The following SLTM variants were observed in gnomAD, a reference collection of about 807,000 sequenced individuals.
SLTM encodes the protein SAFB-like transcription modulator.
In SLTM, 43 loss-of-function variants were observed where a neutral mutation model predicts 134.6. The ratio of observed to expected loss-of-function variants is 0.32; its 90% confidence interval spans 0.25 to 0.41. The LOEUF (loss-of-function observed/expected upper bound fraction) is 0.41, where lower values mean the gene tolerates loss of function less well. SLTM is among the 10% of genes least tolerant of loss of function. The pLI is 1.00. For missense variants in SLTM, 1,055 were observed against 1,288.8 expected (o/e 0.82, Z 2.78); for synonymous variants, 424 against 432.3 (o/e 0.98, Z 0.24).
In SLTM at chr15:58,879,772, C is replaced by T. The variant is rs551309865; in HGVS notation, c.*227G>A. On this transcript the variant is annotated 3_prime_UTR_variant, in exon 21 of 21. Transcript: ENST00000380516. ...CAATTCCATCTTTTCAAATGTGCCTCGGTGCTGCAAGAAAAAAAGTTGAAT... is the reference window on the plus strand; with the variant it reads ...CAATTCCATCTTTTCAAATGTGCCTTGGTGCTGCAAGAAAAAAAGTTGAAT... 4.5e-6 allele frequency: 2 copies of T among 443,354 alleles called. No individual in the cohort carries two copies. The highest frequency in any genetic ancestry group is 2.0e-5 in the African/African-American group (1 of 49,764). 27.5% of individuals were successfully genotyped at this position (443,354 alleles called of 1,614,324 possible). A position where few individuals can be genotyped will look rare whatever the true frequency, so the allele number is the denominator to read the frequency against.
chr15:58,914,259 A>G (rs1174927473), intron 3 of SLTM, among the ~76,000 whole-genome samples: 2 of 152,222 alleles, frequency 1.3e-5, no homozygotes, highest in African/African-American at 4.8e-5. Flanking sequence ...GTTTATGAAT[A>G]TATGGTACTT....
intron 5 of SLTM, among the ~76,000 whole-genome samples, chr15:58,910,067 GTA>G (rs2036151284): frequency 6.6e-6 from 1 of 151,582 alleles, no homozygotes; most frequent in Non-Finnish European, 1.5e-5. Context: ...AATCCTAACT[GTA>G]TGTTTCATAA....
rs950312955 is a variant in SLTM at position 58,922,717 on chromosome 15, T to C, written c.251-5718A>G. 2.7e-5 allele frequency among the ~76,000 whole-genome samples: 4 copies of C among 149,560 alleles called. No individual in the cohort carries two copies. The East Asian group carries it at 7.7e-4, about 29-fold the overall frequency. On this transcript the variant is annotated intron_variant, in intron 2 of 20. Coordinates refer to ENST00000380516, the MANE Select transcript of SLTM (RefSeq NM_024755.4). ...ATATTCAAGCATTGTATCTTTCTTT[T>C]TTCTTTTTTTTTTGAGATGGAGTCT...
intron 20 of SLTM, among the ~76,000 whole-genome samples, chr15:58,882,196 A>G (rs1201373117): frequency 6.7e-6 from 1 of 149,882 alleles, no homozygotes; most frequent in Non-Finnish European, 1.5e-5. Flanking sequence ...AAAAAAAACC[A>G]CACTTAGAAA....
chr15:58,890,053 C>T (rs2034535749), intron 15 of SLTM: 1 of 558,998 alleles, frequency 1.8e-6, no homozygotes, highest in Admixed American at 3.1e-5. Context: ...ATTAGGCTGC[C>T]ATGATATTGC....
rs774534467 is a variant in SLTM at position 58,893,371 on chromosome 15, G to C, written c.1649-7C>G. 2 of 1,572,154 alleles carry C rather than the reference G, an allele frequency of 1.3e-6. No homozygotes were observed. The highest frequency in any genetic ancestry group is 1.9e-5 in the Admixed American group (1 of 51,756). ...TGTCCTGGACTCTTGGAACCTAAGGGAAAAAAATTATATAAAACAATGTCT... is the reference window on the plus strand; with the variant it reads ...TGTCCTGGACTCTTGGAACCTAAGGCAAAAAAATTATATAAAACAATGTCT... On this transcript the variant is annotated splice_polypyrimidine_tract_variant and splice_region_variant and intron_variant, in intron 12 of 20. Coordinates refer to ENST00000380516, the MANE Select transcript of SLTM (RefSeq NM_024755.4).
Position 58,893,707 on chromosome 15 carries a change from A to T in SLTM, c.1648+114T>A, listed in dbSNP as rs1404360679. ...CTACTAGACCTCCTTTCCTACCACAATGACACCTAACAACAAAGCTTATAT... is the reference window on the plus strand; with the variant it reads ...CTACTAGACCTCCTTTCCTACCACATTGACACCTAACAACAAAGCTTATAT... On this transcript the variant is annotated intron_variant, in intron 12 of 20. Coordinates refer to ENST00000380516, the MANE Select transcript of SLTM (RefSeq NM_024755.4). 1.2e-5 allele frequency: 14 copies of T among 1,153,424 alleles called. No homozygotes were observed. In the South Asian group the frequency reaches 2.1e-4, roughly 17 times the overall value. The allele number at this position is 1,153,424 out of a possible 1,614,324, so 71.4% of individuals were successfully genotyped here.
At position 58,933,473 on chromosome 15, in the gene SLTM, C is replaced by A; in HGVS notation, c.93G>T (p.Lys31Asn). Residue 31 changes from lysine to asparagine, a missense_variant, in exon 1 of 21, where the codon AAG (lysine) becomes AAT (asparagine). Physicochemically the swap from Lys to Asn is moderately conservative, Grantham distance 94. This residue lies in a region of SLTM where 268 missense variants were observed against 284.3 expected (regional missense o/e 0.94). Coordinates refer to ENST00000380516, the MANE Select transcript of SLTM (RefSeq NM_024755.4). ...KITDLRVIDL[K>N]SELKRRNLDI... ...CTAAGTTCCGCCGCTTCAGCTCGGA[C>A]TTCAGATCGATGACCCGCAGATCGG... 1 of 1,598,646 alleles carries A rather than the reference C, an allele frequency of 6.3e-7. No individual in the cohort carries two copies. Among genetic ancestry groups the A allele is most frequent in the Non-Finnish European group, 8.5e-7 (1 of 1,173,280 alleles).
At position 58,890,257 on chromosome 15, in the gene SLTM, G is replaced by C. The variant is rs753847932; in HGVS notation, c.2079+24C>G. Reference sequence around the variant, plus strand: ...AGTCTGAAAAAGGTGAGTTATTTAAGATGAAAAGATTTTCTGACTGCACCT... The same window carrying C: ...AGTCTGAAAAAGGTGAGTTATTTAACATGAAAAGATTTTCTGACTGCACCT... On this transcript the variant is annotated intron_variant, in intron 15 of 20. Transcript: ENST00000380516. 5 of 1,609,408 alleles carry C rather than the reference G, an allele frequency of 3.1e-6. No individual in the cohort carries two copies. The East Asian group carries it at 1.1e-4, about 36-fold the overall frequency.
chr15:58,897,482 C>CA, intron 8 of SLTM: 1 of 342,984 alleles, frequency 2.9e-6, no homozygotes, highest in East Asian at 5.2e-5. Flanking sequence ...TTACATGTCT[C>CA]AGACTTTTGC....
chr15:58,902,057 G>T lies in SLTM; in HGVS notation c.562-770C>A, dbSNP rs138010370. ...TTTGGCTAAAATTAAAATTAAGAAT[G>T]TGCTAGCTTAAAAACAGAAGAGTCA... On this transcript the variant is annotated intron_variant, in intron 5 of 20. Coordinates refer to ENST00000380516, the MANE Select transcript of SLTM (RefSeq NM_024755.4). Among the ~76,000 whole-genome samples the T allele has an allele frequency of 4.6e-5, 7 of 152,196 alleles. No homozygotes were observed. In the East Asian group the frequency reaches 1.3e-3, roughly 29 times the overall value.
At chr15:58,902,864 C>G (rs1162159091) in intron 5 of SLTM, among the ~76,000 whole-genome samples, 31 of 151,926 alleles carry the variant, frequency 2.0e-4, no homozygotes, top group Admixed American at 2.0e-3. Flanking sequence ...GCTAGGATTA[C>G]AGGCACCTGC....
At chr15:58,896,433 G>C (rs972705443) in intron 9 of SLTM, among the ~76,000 whole-genome samples, 1 of 152,028 alleles carries the variant, frequency 6.6e-6, no homozygotes, top group African/African-American at 2.4e-5. Context: ...AGTTGCTCAT[G>C]CCTGTAATCC....
chr15:58,911,788 A>G (rs1164199319), intron 5 of SLTM, among the ~76,000 whole-genome samples: 1 of 152,202 alleles, frequency 6.6e-6, no homozygotes, highest in Non-Finnish European at 1.5e-5. Flanking sequence ...AAGTGCAGTC[A>G]TTTTCAATAC....
intron 9 of SLTM, 123 bp from the exon 10 acceptor site, chr15:58,894,705 G>GT (rs3052966): frequency 0.41 from 210,897 of 510,722 alleles, 25,990 homozygotes; most frequent in Admixed American, 0.49. Context: ...TCTGTCTCAT[G>GT]TTTTTTTTTT....
At position 58,894,205 on chromosome 15, in the gene SLTM, G is replaced by A. The variant is rs368888169; in HGVS notation, c.1378-12C>T. On this transcript the variant is annotated splice_polypyrimidine_tract_variant and intron_variant, in intron 10 of 20. Coordinates refer to ENST00000380516, the MANE Select transcript of SLTM (RefSeq NM_024755.4). Reference sequence around the variant, plus strand: ...GGATCACCTTTTACCTGAAAGGTTCGAACCAGAAAAACAATTTGTACATAT... The same window carrying A: ...GGATCACCTTTTACCTGAAAGGTTCAAACCAGAAAAACAATTTGTACATAT... 1.4e-5 allele frequency: 22 copies of A among 1,572,232 alleles called. No individual in the cohort carries two copies. The highest frequency in any genetic ancestry group is 1.1e-4 in the African/African-American group (8 of 73,538).
At chr15:58,903,653 G>A (rs150672502) in intron 5 of SLTM, among the ~76,000 whole-genome samples, 293 of 151,654 alleles carry the variant, frequency 1.9e-3, no homozygotes, top group African/African-American at 6.6e-3. Flanking sequence ...AAACCTGCAC[G>A]TTGTGCACAT....
At chr15:58,903,005 G>A (rs573872735) in intron 5 of SLTM, among the ~76,000 whole-genome samples, 10 of 152,154 alleles carry the variant, frequency 6.6e-5, no homozygotes, top group Non-Finnish European at 1.3e-4. Context: ...GGGTTCAAGC[G>A]ATTCTCCTGC....
chr15:58,890,141 A>T (rs1393731934), intron 15 of SLTM, 140 bp downstream of exon 15: 3 of 883,200 alleles, frequency 3.4e-6, no homozygotes, highest in African/African-American at 1.7e-5. Flanking sequence ...ATTCACTGTT[A>T]TCTTTCAGGG....
Sources: gnomAD v4.1 joint callset for allele counts (sites outside exome capture counted in the v4.1 genomes callset) on GRCh38, gnomAD v4.1.1 for gene constraint, gnomAD v4.1.1 regional missense constraint, MANE v1.5 for transcripts, NCBI Gene and HGNC (gene_info 2026-07-23, HGNC 2026-07-21) for gene names.